LCN12: variants seen among roughly 807,000 people sequenced by gnomAD.
LCN12 encodes lipocalin 12, also known as epididymal-specific lipocalin-12.
Under a neutral mutation model 23.7 loss-of-function variants are expected in LCN12, and 15 were observed. That is an observed-to-expected ratio of 0.63 (90% CI 0.42 to 0.97). LCN12 has a LOEUF of 0.97. LCN12 is among the 50% of genes least tolerant of loss of function. LCN12 has a pLI of 0.00. For missense variants in LCN12, 219 were observed against 249.6 expected (o/e 0.88, Z 0.83); for synonymous variants, 116 against 111.5 (o/e 1.04, Z -0.25).
At chr9:136,950,660 G>A (rs78737236), upstream of LCN12, among the ~76,000 whole-genome samples, 494 of 152,338 alleles carry the variant, frequency 3.2e-3, 4 homozygotes, top group African/African-American at 0.011. Context: ...TGGGGCCAGG[G>A]GGATGGTGGA....
chr9:136,953,788 G>T lies in LCN12; in HGVS notation c.331+9G>T, dbSNP rs368215046. 19 of 1,605,010 alleles carry T rather than the reference G, an allele frequency of 1.2e-5. No individual in the cohort carries two copies. Among genetic ancestry groups the T allele is most frequent in the Non-Finnish European group, 1.5e-5 (18 of 1,176,150 alleles). On this transcript the variant is annotated intron_variant, in intron 3 of 5. Transcript: ENST00000371633. ...TGTGGACCACGGTGTGGGTAAGCCAGTCACAGGAGGGAGGGACGGGGTGCT... is the reference window on the plus strand; with the variant it reads ...TGTGGACCACGGTGTGGGTAAGCCATTCACAGGAGGGAGGGACGGGGTGCT...
chr9:136,954,774 C>T (rs1851282832), intron 5 of LCN12: 11 of 1,291,184 alleles, frequency 8.5e-6, no homozygotes, highest in Non-Finnish European at 1.1e-5. Context: ...CCCAGCCTGA[C>T]CACTCAGACA....
Position 136,954,267 on chromosome 9 carries a change from C to G in LCN12, c.550+12C>G, listed in dbSNP as rs1286159324. The G allele has an allele frequency of 6.4e-7, 1 of 1,558,160 alleles. No individual in the cohort carries two copies. Among genetic ancestry groups the G allele is most frequent in the Admixed American group, 1.9e-5 (1 of 52,202 alleles). ...CCCAGATGTGACTGGTAACATGGTTCACCTGCAGGCATGCTGGGCAGTAGG... is the reference window on the plus strand; with the variant it reads ...CCCAGATGTGACTGGTAACATGGTTGACCTGCAGGCATGCTGGGCAGTAGG... On this transcript the variant is annotated intron_variant, in intron 5 of 5. Transcript: ENST00000371633.
At position 136,952,348 on chromosome 9, in the gene LCN12, G is replaced by T; in HGVS notation, c.21G>T (p.Leu7=). 6.2e-7 allele frequency: 1 copy of T among 1,611,166 alleles called. No homozygotes were observed. Among genetic ancestry groups the T allele is most frequent in the South Asian group, 1.1e-5 (1 of 90,694 alleles). ...CCAGGATGAGGCTGCTGTGTGGCCT[G>T]TGGCTGTGGCTCTCCTTGCTGAAAG... MRLLCG[L]WLWLSLLKVL... Residue 7 remains leucine (L), a synonymous_variant, in exon 1 of 6, where the codon CTG becomes CTT. Transcript: ENST00000371633.
At chr9:136,952,166 C>T (rs1851168857), upstream of LCN12, 4 of 642,598 alleles carry the variant, frequency 6.2e-6, no homozygotes, top group Non-Finnish European at 1.1e-5. Flanking sequence ...CCAAGCCTGC[C>T]CTGGGCACCA....
downstream of LCN12, chr9:136,955,562 C>T (rs1851303871): frequency 3.0e-6 from 2 of 658,326 alleles, no homozygotes; most frequent in Admixed American, 3.0e-5. Context: ...CGACCGCTGA[C>T]CCTGCAGGGC....
At chr9:136,950,554 C>T (rs1018882277), upstream of LCN12, among the ~76,000 whole-genome samples, 1 of 152,230 alleles carries the variant, frequency 6.6e-6, no homozygotes, top group African/African-American at 2.4e-5. Flanking sequence ...GATCCCAAAT[C>T]TCCCCAGTGC....
At chr9:136,951,085 T>C (rs1164315300), upstream of LCN12, among the ~76,000 whole-genome samples, 1 of 138,112 alleles carries the variant, frequency 7.2e-6, no homozygotes, top group Non-Finnish European at 1.7e-5. Context: ...TGGCTCACCC[T>C]TGGTGACCCC....
chr9:136,952,810 C>G (rs1851192252), intron 1 of LCN12, 82 bp from the exon 2 acceptor site: 2 of 1,521,544 alleles, frequency 1.3e-6, no homozygotes, highest in Admixed American at 3.5e-5. Context: ...CAGAAGCTGC[C>G]AGGGAGGGCG....
downstream of LCN12, chr9:136,955,533 C>A: frequency 3.1e-6 from 3 of 973,710 alleles, no homozygotes; most frequent in Non-Finnish European, 4.5e-6. Context: ...TTGGGTTGGG[C>A]AAAGAGACAG....
rs370534279 is a variant in LCN12 at position 136,953,959 on chromosome 9, T to C, written c.443T>C (p.Leu148Pro). The stretch of plus-strand genomic sequence containing the variant: ...AGGCTGGCCGTCCTCAGGATCAGCC[T>C]GCTGGGTGAGCCTCCCACCCCGTCC... ...TSRLAVLRIS[L>P]LGRSWLLPPG... is the part of the protein sequence containing the mutation. The change falls in exon 4 of 6, where the codon CTG (leucine) becomes CCG (proline). Residue 148 changes from leucine (L) to proline (P), a missense_variant. Leu to Pro is a moderately conservative substitution (Grantham distance 98). Transcript: ENST00000371633. 8 of 1,608,970 alleles carry C rather than the reference T, an allele frequency of 5.0e-6. No individual in the cohort carries two copies. The highest frequency in any genetic ancestry group is 2.7e-5 in the African/African-American group (2 of 74,884).
At chr9:136,956,024 G>C (rs755476800), downstream of LCN12, among the ~76,000 whole-genome samples, 5 of 152,072 alleles carry the variant, frequency 3.3e-5, no homozygotes, top group Non-Finnish European at 7.4e-5. Context: ...AGACACAAAG[G>C]GTCTGAGGTC....
At position 136,954,158 on chromosome 9, in the gene LCN12, G is replaced by T; in HGVS notation, c.453G>T (p.Arg151Ser). ...LAVLRISLLG[R>S]SWLLPPGTLD... is the part of the protein sequence containing the mutation. ...GCTGGGCTCCCTGGGCTGCAGGCAG[G>T]AGCTGGTTGCTGCCTCCCGGGACGC... is the stretch of plus-strand genomic sequence containing the variant. The change falls in exon 5 of 6, where the codon AGG becomes AGT. Residue 151 changes from arginine to serine, a missense_variant. Arg to Ser is a moderately radical substitution (Grantham distance 110, BLOSUM62 -1). Transcript: ENST00000371633. 2 of 1,555,660 alleles carry T rather than the reference G, an allele frequency of 1.3e-6. No homozygotes were observed. Among genetic ancestry groups the T allele is most frequent in the Middle Eastern group, 3.4e-4 (2 of 5,952 alleles).
At chr9:136,949,784 G>A (rs1851104928), upstream of LCN12, 1 of 152,414 alleles carries the variant, frequency 6.6e-6, no homozygotes, top group Non-Finnish European at 1.5e-5. Flanking sequence ...GTCAATGGGA[G>A]AGGCCCCAGG....
chr9:136,952,111 C>A (rs971523637), upstream of LCN12, among the ~76,000 whole-genome samples: 7 of 142,246 alleles, frequency 4.9e-5, no homozygotes, highest in Non-Finnish European at 7.7e-5. Context: ...TGGCTGGAAC[C>A]CAAGAGACCG....
rs369168912 is a variant in LCN12 at position 136,953,863 on chromosome 9, G to A, written c.347G>A (p.Arg116Lys). The A allele has an allele frequency of 3.5e-5, 56 of 1,602,836 alleles. No homozygotes were observed. The highest frequency in any genetic ancestry group is 4.8e-5 in the Non-Finnish European group (56 of 1,175,290). Residue 116 changes from arginine to lysine, a missense_variant, in exon 4 of 6, where the codon AGA (arginine) becomes AAA (lysine). By Grantham distance (26) the Arg-to-Lys change is conservative (BLOSUM62 2). Coordinates refer to ENST00000371633, the MANE Select transcript of LCN12 (RefSeq NM_178536.4). Reference sequence around the variant, plus strand: ...GCCGCCTCAGAGCCCGGGGCGGACAGAGAGGAGACCCGGGTGGTGGACAGC... The same window carrying A: ...GCCGCCTCAGAGCCCGGGGCGGACAAAGAGGAGACCCGGGTGGTGGACAGC... ...VDHGVEPGAD[R>K]EETRVVDSDY... is the part of the protein sequence containing the mutation.
At position 136,952,895 on chromosome 9, in the gene LCN12, CA is replaced by C. The variant is rs1178073188; in HGVS notation, c.119del (p.Gln40ArgfsTer22). On this transcript the variant is annotated frameshift_variant, in exon 2 of 6. Coordinates refer to ENST00000371633, the MANE Select transcript of LCN12 (RefSeq NM_178536.4). LOFTEE classifies it high-confidence loss of function. The stretch of plus-strand genomic sequence containing the variant: ...CTGCCCACCACCGCCTCTGTAGTTC[CA>C]GGGGGAATGGTTCGTCCTGGGCCTG... ...PMQSFQGNQF[Q>X]GEWFVLGLAG... 1 of 1,612,308 alleles carries C rather than the reference CA, an allele frequency of 6.2e-7. No homozygotes were observed. The highest frequency in any genetic ancestry group is 1.1e-5 in the South Asian group (1 of 91,084).
chr9:136,954,203 G>A lies in LCN12; in HGVS notation c.498G>A (p.Leu166=), dbSNP rs746531583. 5 of 1,577,302 alleles carry A rather than the reference G, an allele frequency of 3.2e-6. No homozygotes were observed. Among genetic ancestry groups the A allele is most frequent in the Non-Finnish European group, 4.3e-6 (5 of 1,161,092 alleles). The change falls in exon 5 of 6, where the codon CTG becomes CTA. Residue 166 remains leucine, a synonymous_variant. Coordinates refer to ENST00000371633, the MANE Select transcript of LCN12 (RefSeq NM_178536.4). ...GGACGCTGGACCAGTTCATCTGCCT[G>A]GGCAGAGCTCAGGGCCTCTCGGATG... ...PPGTLDQFIC[L]GRAQGLSDDN...
At chr9:136,949,739 G>A (rs1323466809), upstream of LCN12, 1 of 152,730 alleles carries the variant, frequency 6.5e-6, no homozygotes, top group Non-Finnish European at 1.5e-5. Context: ...GTGCCGGGGA[G>A]CGAAGCAGAG....
Sources: allele counts gnomAD v4.1 joint callset (sites outside exome capture counted in the v4.1 genomes callset), GRCh38; gene constraint gnomAD v4.1.1; transcripts MANE v1.5; gene names NCBI Gene and HGNC (gene_info 2026-07-23, HGNC 2026-07-21).